The following ARHGAP26 variants were observed in gnomAD, a reference collection of about 807,000 sequenced individuals.
ARHGAP26 encodes Rho GTPase activating protein 26, also known as rho GTPase-activating protein 26.
Under a neutral mutation model 104.8 loss-of-function variants are expected in ARHGAP26, and 38 were observed. The ratio of observed to expected loss-of-function variants is 0.36; its 90% CI spans 0.28 to 0.48. The LOEUF (loss-of-function observed/expected upper bound fraction) is 0.48. Among genes scored for constraint, ARHGAP26 ranks in the 20% least tolerant of loss-of-function variants. The pLI is 0.99. For missense variants in ARHGAP26, 704 were observed against 947.9 expected, an observed-to-expected ratio of 0.74 and a Z score of 3.38; for synonymous variants, 341 against 340.0, an observed-to-expected ratio of 1.00 and a Z score of -0.03.
chr5:143,090,979 A>C (rs1167089893), intron 17 of ARHGAP26, among the ~76,000 whole-genome samples: 2 of 152,238 alleles, frequency 1.3e-5, no homozygotes, highest in Non-Finnish European at 2.9e-5. Flanking sequence ...CACAGGGTAT[A>C]ACAAGACAAG....
intron 18 of ARHGAP26, among the ~76,000 whole-genome samples, chr5:143,122,675 A>G (rs909331624): frequency 2.0e-5 from 3 of 152,244 alleles, no homozygotes; most frequent in Non-Finnish European, 4.4e-5. Flanking sequence ...AAGCAGATTA[A>G]TTGTTTTGAA....
At chr5:143,117,575 A>G (rs1281533040) in intron 17 of ARHGAP26, among the ~76,000 whole-genome samples, 1 of 152,230 alleles carries the variant, frequency 6.6e-6, no homozygotes, top group Non-Finnish European at 1.5e-5. Context: ...ACTTAGATCA[A>G]TGTGTCTTTT....
At chr5:143,188,782 G>C (rs1805495919) in intron 20 of ARHGAP26, among the ~76,000 whole-genome samples, 1 of 152,246 alleles carries the variant, frequency 6.6e-6, no homozygotes, top group Non-Finnish European at 1.5e-5. Flanking sequence ...CAAAAAGTGA[G>C]TAGAACTTTA....
chr5:143,203,940 GA>G (rs1424292538), intron 20 of ARHGAP26, among the ~76,000 whole-genome samples: 2 of 151,954 alleles, frequency 1.3e-5, no homozygotes, highest in African/African-American at 4.8e-5. Context: ...CTAGGGGAGG[GA>G]TAGCATTAGG....
intron 11 of ARHGAP26, among the ~76,000 whole-genome samples, chr5:142,977,428 AC>A (rs1773265092): frequency 6.6e-6 from 1 of 152,152 alleles, no homozygotes; most frequent in South Asian, 2.1e-4. Flanking sequence ...TAAAAAAAAA[AC>A]AACAGTGGAA....
At chr5:142,967,450 G>C (rs1032688542) in intron 11 of ARHGAP26, among the ~76,000 whole-genome samples, 2 of 152,180 alleles carry the variant, frequency 1.3e-5, no homozygotes, top group African/African-American at 4.8e-5. Context: ...CGGATGGATG[G>C]AATCAGTGGA....
intron 1 of ARHGAP26, among the ~76,000 whole-genome samples, chr5:142,833,178 C>A (rs187810173): frequency 6.6e-6 from 1 of 151,528 alleles, no homozygotes; most frequent in Non-Finnish European, 1.5e-5. Flanking sequence ...CTCAGCCTCC[C>A]GAGTAGCTGG....
intron 20 of ARHGAP26, among the ~76,000 whole-genome samples, chr5:143,163,402 A>G (rs1040839125): frequency 6.6e-6 from 1 of 151,892 alleles, no homozygotes; most frequent in Admixed American, 6.6e-5. Flanking sequence ...CCTTGGTCTT[A>G]TTGCTGTGAG....
chr5:142,983,162 C>G (rs1186894127), intron 11 of ARHGAP26, among the ~76,000 whole-genome samples: 1 of 152,192 alleles, frequency 6.6e-6, no homozygotes, highest in Non-Finnish European at 1.5e-5. Context: ...TGAGCCTTAT[C>G]TTCCCTTGCT....
At chr5:143,087,464 A>C (rs1269573671) in intron 17 of ARHGAP26, among the ~76,000 whole-genome samples, 1 of 151,982 alleles carries the variant, frequency 6.6e-6, no homozygotes, top group Non-Finnish European at 1.5e-5. Flanking sequence ...CTCATGGCCA[A>C]ATTTAGTATA....
chr5:143,212,460 G>C (rs1562621510), intron 21 of ARHGAP26, among the ~76,000 whole-genome samples: 1 of 152,024 alleles, frequency 6.6e-6, no homozygotes, highest in East Asian at 1.9e-4. Context: ...TTGGCTCACA[G>C]GCAGTGCCCC....
At chr5:143,092,158 G>GT (rs896970979) in intron 17 of ARHGAP26, among the ~76,000 whole-genome samples, 1,617 of 117,128 alleles carry the variant, frequency 0.014, 23 homozygotes, top group African/African-American at 0.041. Flanking sequence ...ACATCCCTTT[G>GT]TTTTTTTTTT....
chr5:142,855,280 T>C (rs1752160495), intron 1 of ARHGAP26, among the ~76,000 whole-genome samples: 1 of 152,194 alleles, frequency 6.6e-6, no homozygotes, highest in African/African-American at 2.4e-5. Flanking sequence ...GCTGTTTTTC[T>C]ACTAAATGTT....
chr5:143,146,735 G>A (rs78859980), intron 19 of ARHGAP26, among the ~76,000 whole-genome samples: 5,723 of 152,316 alleles, frequency 0.038, 391 homozygotes, highest in African/African-American at 0.13. Flanking sequence ...TAAGGACATT[G>A]GTGGCTAAAT....
chr5:143,015,728 G>A (rs983290480), intron 12 of ARHGAP26, among the ~76,000 whole-genome samples: 1 of 151,978 alleles, frequency 6.6e-6, no homozygotes, highest in Non-Finnish European at 1.5e-5. Context: ...GGTGGGGTGG[G>A]GGAGGAGAGG....
intron 20 of ARHGAP26, among the ~76,000 whole-genome samples, chr5:143,191,399 T>C (rs1464456608): frequency 6.6e-6 from 1 of 152,204 alleles, no homozygotes; most frequent in East Asian, 1.9e-4. Flanking sequence ...AAGTAGATCT[T>C]GGGAAAATAT....
At position 143,226,500 on chromosome 5, in the gene ARHGAP26, A is replaced by G. The variant is rs1811692914; in HGVS notation, c.*4054A>G. 5.4e-6 allele frequency: 1 copy of G among 186,388 alleles called. No individual in the cohort carries two copies. The highest frequency in any genetic ancestry group is 2.3e-5 in the African/African-American group (1 of 42,636). The allele number at this position is 186,388 out of a possible 1,614,324, so 11.5% of individuals were successfully genotyped here. A position where few individuals can be genotyped will look rare whatever the true frequency, so the allele number is the denominator to read the frequency against. ...CGTCTCAAAGGAAAAAAAAAAAAAAAAAAAAAGAATGCCATGCCAGGAGAA... is the reference window on the plus strand; with the variant it reads ...CGTCTCAAAGGAAAAAAAAAAAAAAGAAAAAAGAATGCCATGCCAGGAGAA... On this transcript the variant is annotated 3_prime_UTR_variant, in exon 23 of 23. Transcript: ENST00000645722.
At chr5:143,037,107 G>A (rs1782773196) in intron 12 of ARHGAP26, 89 bp from the exon 13 acceptor site, 1 of 900,438 alleles carries the variant, frequency 1.1e-6, no homozygotes. Flanking sequence ...ACCACAGCAT[G>A]CGATTGATTC....
chr5:143,152,057 A>G (rs1159984264), intron 20 of ARHGAP26, among the ~76,000 whole-genome samples: 1 of 152,180 alleles, frequency 6.6e-6, no homozygotes, highest in African/African-American at 2.4e-5. Context: ...AAGATCAGTG[A>G]TTGCCAGGGA....
Sources: gnomAD v4.1 joint callset for allele counts (sites outside exome capture counted in the v4.1 genomes callset) on GRCh38, gnomAD v4.1.1 for gene constraint, MANE v1.5 for transcripts, NCBI Gene and HGNC (gene_info 2026-07-23, HGNC 2026-07-21) for gene names.